The following RIMBP2 variants were observed in gnomAD, a reference collection of about 807,000 sequenced individuals.
RIMBP2 encodes RIMS binding protein 2, also known as RIMS-binding protein 2.
RIMBP2 carries 48 observed loss-of-function variants against 118.6 expected under a neutral mutation model. That is an observed-to-expected ratio of 0.40 (90% CI 0.32 to 0.51). The LOEUF (loss-of-function observed/expected upper bound fraction) is 0.51, where lower values mean the gene tolerates loss of function less well. Ranked by LOEUF, RIMBP2 falls within the 20% of genes least tolerant of loss-of-function variation. RIMBP2 has a pLI of 0.41. For synonymous variants in RIMBP2, 762 were observed against 742.9 expected (o/e 1.03, Z -0.42); for missense variants, 1,551 against 1,768.3 (o/e 0.88, Z 2.20).
intron 14 of RIMBP2, among the ~76,000 whole-genome samples, chr12:130,433,978 C>T (rs751277364): frequency 2.0e-5 from 3 of 152,194 alleles, no homozygotes; most frequent in African/African-American, 7.2e-5. Context: ...CCGGAGGAGT[C>T]GGGGGACTTG....
intron 1 of RIMBP2, among the ~76,000 whole-genome samples, chr12:130,709,926 G>A (rs1346874530): frequency 6.6e-6 from 1 of 152,126 alleles, no homozygotes; most frequent in African/African-American, 2.4e-5. Flanking sequence ...AGGGGAAGGA[G>A]CGCGGTAAGA....
intron 21 of RIMBP2, among the ~76,000 whole-genome samples, chr12:130,400,902 C>CA (rs1593160778): frequency 6.6e-6 from 1 of 152,120 alleles, no homozygotes; most frequent in East Asian, 1.9e-4. Flanking sequence ...ACACTACTAT[C>CA]AAAAACAAAA....
At chr12:130,538,229 G>A in intron 2 of RIMBP2, among the ~76,000 whole-genome samples, 1 of 152,018 alleles carries the variant, frequency 6.6e-6, no homozygotes, top group South Asian at 2.1e-4. Context: ...AAAAATGAAA[G>A]AATATAAATA....
intron 2 of RIMBP2, among the ~76,000 whole-genome samples, chr12:130,528,488 T>C (rs1226124060): frequency 1.3e-5 from 2 of 151,976 alleles, no homozygotes; most frequent in Admixed American, 6.6e-5. Context: ...TCAGGAAAAA[T>C]AGCTAATGCA....
rs2078512535 is a variant in RIMBP2, at chr12:130,446,225, A to C, written c.582-956T>G. On this transcript the variant is annotated intron_variant, in intron 9 of 22. Transcript: ENST00000690449. This position sits in a 1 kb window ranked among gnomAD's most constrained non-coding sequence, Gnocchi z 4.1. ...CATTAAAAAATGAAAATAACATTAG[A>C]GTTGGAGAAGATAGCCAGACACTGT... Among the ~76,000 whole-genome samples, 1 of 152,238 alleles carries C rather than the reference A, an allele frequency of 6.6e-6. No individual in the cohort carries two copies. Among genetic ancestry groups the C allele is most frequent in the South Asian group, 2.1e-4 (1 of 4,826 alleles).
chr12:130,622,670 C>T lies in RIMBP2; in HGVS notation c.-217+5652G>A, dbSNP rs2061388232. On this transcript the variant is annotated intron_variant, in intron 2 of 22. Coordinates refer to ENST00000690449, the MANE Select transcript of RIMBP2 (RefSeq NM_001393629.1). This position sits in a 1 kb window ranked among gnomAD's most constrained non-coding sequence, Gnocchi z 8.5. ...CTAATAATTGTATTTTTTCCAATAA[C>T]TACATGACCATAGCTAGCTAGGGTT... is the stretch of plus-strand genomic sequence containing the variant. Among the ~76,000 whole-genome samples the T allele has an allele frequency of 6.6e-6, 1 of 152,116 alleles. No homozygotes were observed. Among genetic ancestry groups the T allele is most frequent in the Admixed American group, 6.5e-5 (1 of 15,274 alleles).
intron 2 of RIMBP2, among the ~76,000 whole-genome samples, chr12:130,624,917 G>A (rs952957755): frequency 2.0e-5 from 3 of 152,114 alleles, no homozygotes; most frequent in African/African-American, 7.2e-5. Flanking sequence ...TAGAGCCAGG[G>A]TTTCACCATG....
At chr12:130,642,699 C>T (rs754747259) in intron 1 of RIMBP2, among the ~76,000 whole-genome samples, 3 of 152,232 alleles carry the variant, frequency 2.0e-5, no homozygotes, top group African/African-American at 4.8e-5. Context: ...GCACTGTCCA[C>T]GATGTTTTGC....
chr12:130,602,283 A>G (rs547023746), intron 2 of RIMBP2, among the ~76,000 whole-genome samples: 2 of 152,322 alleles, frequency 1.3e-5, no homozygotes, highest in South Asian at 4.1e-4. Flanking sequence ...TGAAGACGAC[A>G]CAGGCACTCT....
intron 1 of RIMBP2, among the ~76,000 whole-genome samples, chr12:130,653,417 C>G (rs1463669963): frequency 6.6e-6 from 1 of 152,254 alleles, no homozygotes; most frequent in Non-Finnish European, 1.5e-5. Context: ...CACACTGGTG[C>G]AAGGGGTAGG....
At chr12:130,433,826 G>A (rs1398925597) in intron 14 of RIMBP2, among the ~76,000 whole-genome samples, 1 of 152,202 alleles carries the variant, frequency 6.6e-6, no homozygotes, top group Non-Finnish European at 1.5e-5. Context: ...CTGACACACT[G>A]AGAGCCAAAA....
chr12:130,456,772 ATGTGT>A, intron 6 of RIMBP2, 72 bp from the exon 7 acceptor site: 1 of 1,209,722 alleles, frequency 8.3e-7, no homozygotes. Context: ...GCCTGTTCAC[ATGTGT>A]TGTACGTGTG....
At chr12:130,587,940 C>A (rs969445485) in intron 2 of RIMBP2, among the ~76,000 whole-genome samples, 5 of 152,030 alleles carry the variant, frequency 3.3e-5, no homozygotes, top group Admixed American at 3.3e-4. Context: ...CACCTGCCAG[C>A]ACATATGATG....
intron 1 of RIMBP2, among the ~76,000 whole-genome samples, chr12:130,661,699 C>T (rs2063671782): frequency 6.6e-6 from 1 of 152,202 alleles, no homozygotes; most frequent in South Asian, 2.1e-4. Flanking sequence ...TAATAAATTC[C>T]CCTCTCTGCT....
chr12:130,685,246 C>T (rs2064986375), intron 1 of RIMBP2, among the ~76,000 whole-genome samples: 1 of 152,178 alleles, frequency 6.6e-6, no homozygotes, highest in South Asian at 2.1e-4. Flanking sequence ...ATTTTTACCT[C>T]TCCGTCTCCA....
At chr12:130,666,370 T>C (rs2063916315) in intron 1 of RIMBP2, among the ~76,000 whole-genome samples, 1 of 152,166 alleles carries the variant, frequency 6.6e-6, no homozygotes, top group African/African-American at 2.4e-5. Context: ...CCAATGCCAC[T>C]GATGAGCCAC....
chr12:130,677,069 G>GTGAT (rs780014189), intron 1 of RIMBP2, among the ~76,000 whole-genome samples: 16 of 152,318 alleles, frequency 1.1e-4, no homozygotes, highest in South Asian at 6.2e-4. Flanking sequence ...CAATCAGGAG[G>GTGAT]TGATTGTGGT....
chr12:130,436,313 G>A (rs1027606388), intron 13 of RIMBP2, among the ~76,000 whole-genome samples: 4 of 152,172 alleles, frequency 2.6e-5, no homozygotes, highest in Non-Finnish European at 5.9e-5. Context: ...GGGTCTATAT[G>A]TCCGTATGCG....
At chr12:130,664,425 A>ACACG (rs2063812005) in intron 1 of RIMBP2, among the ~76,000 whole-genome samples, 4 of 76,988 alleles carry the variant, frequency 5.2e-5, no homozygotes, top group Non-Finnish European at 1.0e-4. Context: ...ACACACGCAC[A>ACACG]CACATGCATG....
Sources: gnomAD v4.1 joint callset for allele counts (sites outside exome capture counted in the v4.1 genomes callset) on GRCh38, gnomAD v4.1.1 for gene constraint, Gnocchi (gnomAD v3.1) non-coding constraint, MANE v1.5 for transcripts, NCBI Gene and HGNC (gene_info 2026-07-23, HGNC 2026-07-21) for gene names.